The following NIN variants were observed in gnomAD, a reference collection of about 807,000 sequenced individuals.
NIN encodes the protein glycogen synthase kinase 3 beta-interacting protein.
In NIN, 137 loss-of-function variants were observed where a neutral mutation model predicts 257.6. The ratio of observed to expected loss-of-function variants is 0.53; its 90% CI spans 0.46 to 0.61. The LOEUF is 0.61. Among genes scored for constraint, NIN ranks in the 20% least tolerant of loss-of-function variants. NIN has a pLI of 0.00. For synonymous variants in NIN, 918 were observed against 919.8 expected, an observed-to-expected ratio of 1.00 and a Z score of 0.04; for missense variants, 2,439 against 2,501.2, an observed-to-expected ratio of 0.98 and a Z score of 0.53.
At chr14:50,738,042 C>T (rs540503319) in intron 27 of NIN, 98 bp downstream of exon 27, 33 of 1,220,278 alleles carry the variant, frequency 2.7e-5, no homozygotes, top group African/African-American at 1.4e-4. Flanking sequence ...AATATGCCAT[C>T]GTAATCATTT....
At chr14:50,760,668 G>C (rs1486478600) in intron 16 of NIN, among the ~76,000 whole-genome samples, 1 of 151,956 alleles carries the variant, frequency 6.6e-6, no homozygotes, top group African/African-American at 2.4e-5. Context: ...GTAAACTTGA[G>C]TCTTGGAACA....
At chr14:50,727,576 G>A (rs1437809954) in intron 29 of NIN, 1 of 1,355,378 alleles carries the variant, frequency 7.4e-7, no homozygotes, top group Non-Finnish European at 9.7e-7. Flanking sequence ...ATTTAAAAGA[G>A]CACTTAATTC....
chr14:50,782,202 ACTTTTAGTAATGTAAATGG>A (rs1332900406), intron 5 of NIN, among the ~76,000 whole-genome samples: 1 of 152,206 alleles, frequency 6.6e-6, no homozygotes, highest in Non-Finnish European at 1.5e-5. Flanking sequence ...AATGATTATT[ACTTTTAGTAATGTAAATGG>A]CTTTATGTAT....
intron 18 of NIN, among the ~76,000 whole-genome samples, chr14:50,755,499 A>C (rs1344196370): frequency 6.6e-6 from 1 of 151,842 alleles, no homozygotes; most frequent in Non-Finnish European, 1.5e-5. Context: ...AATTTGCTAG[A>C]AGACTATGCA....
intron 7 of NIN, among the ~76,000 whole-genome samples, chr14:50,776,391 G>T (rs1450600742): frequency 5.3e-5 from 8 of 152,096 alleles, no homozygotes; most frequent in Admixed American, 5.2e-4. Flanking sequence ...CCAGAATATT[G>T]TAATGGCTGC....
chr14:50,730,397 A>G (rs1389151524), intron 28 of NIN, among the ~76,000 whole-genome samples: 9 of 152,192 alleles, frequency 5.9e-5, no homozygotes, highest in Non-Finnish European at 1.2e-4. Context: ...GAGGAAAGGG[A>G]GGACGATGCA....
intron 18 of NIN, 42 bp downstream of exon 18, chr14:50,756,450 T>C (rs1595782713): frequency 1.3e-6 from 2 of 1,535,854 alleles, no homozygotes; most frequent in Admixed American, 2.0e-5. Context: ...TCTGGTGAGG[T>C]GCTCTGTGGG....
At chr14:50,792,643 T>C in intron 5 of NIN, 69 bp downstream of exon 5, 1 of 1,564,468 alleles carries the variant, frequency 6.4e-7, no homozygotes, top group Non-Finnish European at 8.8e-7. Flanking sequence ...AGCTCCCCTG[T>C]CTCTGTGCTG....
At chr14:50,824,618 G>A (rs2045380360) in intron 2 of NIN, among the ~76,000 whole-genome samples, 1 of 152,158 alleles carries the variant, frequency 6.6e-6, no homozygotes, top group Admixed American at 6.5e-5. Context: ...GTTCTTTAAT[G>A]GTAAGATCCA....
rs888014113 is a variant in NIN, at chr14:50,802,358, T to C, written c.265+4379A>G. 1.8e-4 allele frequency among the ~76,000 whole-genome samples: 28 copies of C among 152,334 alleles called. No individual in the cohort carries two copies. In the East Asian group the frequency reaches 2.9e-3, roughly 16 times the overall value. On this transcript the variant is annotated intron_variant, in intron 4 of 30. Coordinates refer to ENST00000530997, the MANE Select transcript of NIN (RefSeq NM_020921.4). ...ATTATAAATATCTGAGTTAAAAAGATGCTGAAAATAATCTAGTCCATATCT... is the reference window on the plus strand; with the variant it reads ...ATTATAAATATCTGAGTTAAAAAGACGCTGAAAATAATCTAGTCCATATCT...
intron 5 of NIN, among the ~76,000 whole-genome samples, chr14:50,784,892 G>T (rs1442640379): frequency 6.6e-6 from 1 of 152,184 alleles, no homozygotes; most frequent in Non-Finnish European, 1.5e-5. Context: ...GCTCGCAGAG[G>T]CTGCCTTGTC....
At chr14:50,801,087 CTTTTTTT>C (rs141791731) in intron 4 of NIN, among the ~76,000 whole-genome samples, 1 of 88,224 alleles carries the variant, frequency 1.1e-5, no homozygotes, top group Non-Finnish European at 2.3e-5. Context: ...CTGCGCCCGG[CTTTTTTT>C]TTTTTTTTTT....
At chr14:50,784,929 G>A (rs2141953293) in intron 5 of NIN, among the ~76,000 whole-genome samples, 1 of 152,278 alleles carries the variant, frequency 6.6e-6, no homozygotes, top group African/African-American at 2.4e-5. Flanking sequence ...CCAGTGTACT[G>A]GCCAACAGCC....
chr14:50,751,716 G>A (rs2041797484), intron 21 of NIN, among the ~76,000 whole-genome samples: 1 of 152,096 alleles, frequency 6.6e-6, no homozygotes, highest in African/African-American at 2.4e-5. Flanking sequence ...TTGTAGAGAT[G>A]GAGTCTTGTT....
intron 4 of NIN, among the ~76,000 whole-genome samples, chr14:50,803,869 C>T (rs1239786582): frequency 4.0e-5 from 6 of 150,620 alleles, no homozygotes; most frequent in East Asian, 1.9e-4. Flanking sequence ...CTGCCTGCAG[C>T]GGGGTAGAGT....
chr14:50,757,631 C>G lies in NIN; in HGVS notation c.3399G>C (p.Lys1133Asn). The stretch of plus-strand genomic sequence containing the variant: ...GCCGCCTGGTCACACCTTCTACTTG[C>G]TTCGTTCGGTTTTGCTGTAAAAACT... ...TEQFLQQNRT[K>N]QVEGVTRRHV... The change falls in exon 18 of 31, where the codon AAG becomes AAC. Residue 1133 changes from lysine to asparagine, a missense_variant. By Grantham distance (94) the Lys-to-Asn change is moderately conservative. Around this residue, in one of 3 missense-constraint regions of NIN, gnomAD observed 2,043 missense variants for 2,050.2 expected, o/e 1.00. Transcript: ENST00000530997. 1.2e-6 allele frequency: 2 copies of G among 1,614,168 alleles called. No homozygotes were observed. The highest frequency in any genetic ancestry group is 1.6e-4 in the Middle Eastern group (1 of 6,062).
chr14:50,828,095 T>C (rs1175372832), intron 2 of NIN, among the ~76,000 whole-genome samples: 1 of 119,552 alleles, frequency 8.4e-6, no homozygotes, highest in Admixed American at 8.0e-5. Context: ...GAGCTGCATG[T>C]TTGTTACAAA....
chr14:50,821,124 G>T (rs2045195215), intron 3 of NIN, among the ~76,000 whole-genome samples: 1 of 152,110 alleles, frequency 6.6e-6, no homozygotes, highest in Non-Finnish European at 1.5e-5. Context: ...TAAACCTATT[G>T]ATTATAAATA....
At chr14:50,810,702 C>T (rs1033153000) in intron 3 of NIN, among the ~76,000 whole-genome samples, 2 of 151,930 alleles carry the variant, frequency 1.3e-5, no homozygotes, top group South Asian at 2.1e-4. Flanking sequence ...GGCTCTGTTG[C>T]CCAGGCTGGA....
Sources: gnomAD v4.1 joint callset for allele counts (sites outside exome capture counted in the v4.1 genomes callset) on GRCh38, gnomAD v4.1.1 for gene constraint, gnomAD v4.1.1 regional missense constraint, MANE v1.5 for transcripts, NCBI Gene and HGNC (gene_info 2026-07-23, HGNC 2026-07-21) for gene names.